The following FAM53B variants were observed in gnomAD, a reference collection of about 807,000 sequenced individuals.
FAM53B encodes the protein protein FAM53B.
A neutral mutation model predicts 32.7 loss-of-function variants in FAM53B; 12 were observed. The observed-to-expected ratio is 0.37, with a 90% CI of 0.24 to 0.59. FAM53B has a LOEUF of 0.59. FAM53B is among the 20% of genes least tolerant of loss of function. The pLI is 0.72. For synonymous variants in FAM53B, 234 were observed against 228.7 expected, an observed-to-expected ratio of 1.02 and a Z score of -0.21; for missense variants, 477 against 577.7, an observed-to-expected ratio of 0.83 and a Z score of 1.79.
At chr10:124,624,920 C>A (rs1008731133) in intron 4 of FAM53B, among the ~76,000 whole-genome samples, 3 of 152,176 alleles carry the variant, frequency 2.0e-5, no homozygotes, top group South Asian at 4.1e-4. Flanking sequence ...CAGAGGGGAG[C>A]GAGGGAAGAG....
At chr10:124,688,241 T>C (rs893828232) in intron 3 of FAM53B, among the ~76,000 whole-genome samples, 1 of 152,148 alleles carries the variant, frequency 6.6e-6, no homozygotes, top group Admixed American at 6.5e-5. Context: ...CCCCCATCCA[T>C]CTGCAGCCTG....
In FAM53B at chr10:124,733,833, C is replaced by T. The variant is rs1384268285; in HGVS notation, c.-175+10180G>A. On this transcript the variant is annotated intron_variant, in intron 1 of 4. Transcript: ENST00000337318. The surrounding 1 kb of genome is among the most constrained non-coding windows in gnomAD (Gnocchi z 4.3). ...GAAGGTGGGCTTTCTCCCAGCCCTT[C>T]GCCCTTCCCTTTACTGCCATCCTGA... Among the ~76,000 whole-genome samples, 1 of 152,236 alleles carries T rather than the reference C, an allele frequency of 6.6e-6. No homozygotes were observed. Among genetic ancestry groups the T allele is most frequent in the Non-Finnish European group, 1.5e-5 (1 of 68,036 alleles).
chr10:124,737,020 G>A (rs1396422122), intron 1 of FAM53B, among the ~76,000 whole-genome samples: 1 of 152,236 alleles, frequency 6.6e-6, no homozygotes, highest in African/African-American at 2.4e-5. Flanking sequence ...CCAACCTGGG[G>A]TGAGTGATTT....
intron 3 of FAM53B, among the ~76,000 whole-genome samples, chr10:124,686,195 C>A (rs1949801655): frequency 6.6e-6 from 1 of 152,220 alleles, no homozygotes; most frequent in Non-Finnish European, 1.5e-5. Flanking sequence ...AACTAGACTG[C>A]AGGAACAAGC....
At chr10:124,630,142 G>A (rs1365874355) in intron 4 of FAM53B, among the ~76,000 whole-genome samples, 1 of 152,258 alleles carries the variant, frequency 6.6e-6, no homozygotes, top group Non-Finnish European at 1.5e-5. Context: ...GCCAAGCGGG[G>A]TGGCTCACAC....
At chr10:124,661,056 T>TAAAAAAAAAAAA (rs57830542) in intron 4 of FAM53B, among the ~76,000 whole-genome samples, 2 of 130,538 alleles carry the variant, frequency 1.5e-5, no homozygotes, top group African/African-American at 6.0e-5. Flanking sequence ...CTACTGAAAT[T>TAAAAAAAAAAAA]AAAAAAAAAA....
chr10:124,695,616 C>T (rs1949863418), intron 3 of FAM53B, among the ~76,000 whole-genome samples: 1 of 152,134 alleles, frequency 6.6e-6, no homozygotes, highest in Non-Finnish European at 1.5e-5. Context: ...GATGTAGTTA[C>T]ATCACTAAAG....
At chr10:124,644,986 C>A (rs984294439) in intron 4 of FAM53B, among the ~76,000 whole-genome samples, 1 of 152,224 alleles carries the variant, frequency 6.6e-6, no homozygotes, top group African/African-American at 2.4e-5. Context: ...GGGGGAGGAG[C>A]CACATGACTG....
At chr10:124,720,218 AGACCCAAGGGAG>A (rs1470715012) in intron 1 of FAM53B, among the ~76,000 whole-genome samples, 4 of 151,974 alleles carry the variant, frequency 2.6e-5, no homozygotes, top group Non-Finnish European at 5.9e-5. Flanking sequence ...GATCAGGAGC[AGACCCAAGGGAG>A]GTGGCATAGA....
intron 3 of FAM53B, among the ~76,000 whole-genome samples, chr10:124,683,895 C>G (rs938103391): frequency 1.3e-5 from 2 of 152,216 alleles, no homozygotes; most frequent in African/African-American, 4.8e-5. Flanking sequence ...AGAGACATAC[C>G]CCAGCTGAGC....
Position 124,621,370 on chromosome 10 carries a change from T to C in FAM53B, c.*1872A>G, listed in dbSNP as rs1054775327. 3.9e-5 allele frequency: 6 copies of C among 152,228 alleles called. No individual in the cohort carries two copies. Among genetic ancestry groups the C allele is most frequent in the African/African-American group, 1.4e-4 (6 of 41,466 alleles). The allele number at this position is 152,228 out of a possible 1,614,324, so 9.4% of individuals were successfully genotyped here. Reference sequence around the variant, plus strand: ...CCAGGCAGGGACAGGCCAAGATGTCTCTGTCTGCTCAGAGCCACCAGCTCT... The same window carrying C: ...CCAGGCAGGGACAGGCCAAGATGTCCCTGTCTGCTCAGAGCCACCAGCTCT... On this transcript the variant is annotated 3_prime_UTR_variant, in exon 5 of 5. Transcript: ENST00000337318.
chr10:124,721,742 G>A (rs557078978), intron 1 of FAM53B, among the ~76,000 whole-genome samples: 26 of 152,300 alleles, frequency 1.7e-4, no homozygotes, highest in East Asian at 9.6e-4. Context: ...GTCCTCGTGC[G>A]GTTCTATCCT....
At chr10:124,631,596 C>G (rs1056214008) in intron 4 of FAM53B, among the ~76,000 whole-genome samples, 2 of 152,208 alleles carry the variant, frequency 1.3e-5, no homozygotes, top group Non-Finnish European at 1.5e-5. Flanking sequence ...GGGCCAAACC[C>G]GCCACGCAGG....
Position 124,622,952 on chromosome 10 carries a change from A to T in FAM53B, c.*290T>A. The stretch of plus-strand genomic sequence containing the variant: ...ACTGCCCAACATCCCACAGGGAAAG[A>T]GGCAGAAAAGACGCAAACTTCAAAG... On this transcript the variant is annotated 3_prime_UTR_variant, in exon 5 of 5. Transcript: ENST00000337318. The T allele has an allele frequency of 2.8e-6, 1 of 361,370 alleles. No homozygotes were observed. The allele number at this position is 361,370 out of a possible 1,614,324, so 22.4% of individuals were successfully genotyped here. A position where few individuals can be genotyped will look rare whatever the true frequency, so the allele number is the denominator to read the frequency against.
intron 4 of FAM53B, among the ~76,000 whole-genome samples, chr10:124,654,566 C>CT (rs1394633690): frequency 5.3e-5 from 8 of 152,244 alleles, no homozygotes; most frequent in Non-Finnish European, 1.2e-4. Flanking sequence ...GAATCCGCCT[C>CT]TGATTCATCT....
chr10:124,677,455 G>A (rs1238407596), intron 4 of FAM53B, among the ~76,000 whole-genome samples: 1 of 152,258 alleles, frequency 6.6e-6, no homozygotes, highest in Non-Finnish European at 1.5e-5. Context: ...CGCAGGGATC[G>A]CAGCATAGCC....
chr10:124,637,918 C>T (rs1019916597), intron 4 of FAM53B, among the ~76,000 whole-genome samples: 10 of 152,232 alleles, frequency 6.6e-5, no homozygotes, highest in African/African-American at 2.4e-4. Flanking sequence ...GAGGGAATTT[C>T]GCTCTCCATT....
At chr10:124,692,862 C>G (rs1255723183) in intron 3 of FAM53B, among the ~76,000 whole-genome samples, 2 of 151,982 alleles carry the variant, frequency 1.3e-5, no homozygotes, top group African/African-American at 4.8e-5. Context: ...GCTCCTTGCT[C>G]TACTGCACTT....
chr10:124,633,696 T>C (rs940059741), intron 4 of FAM53B, among the ~76,000 whole-genome samples: 1 of 152,182 alleles, frequency 6.6e-6, no homozygotes, highest in Admixed American at 6.5e-5. Context: ...GGAGAAAAGA[T>C]GGCATTCTCA....
Sources: allele counts gnomAD v4.1 joint callset (sites outside exome capture counted in the v4.1 genomes callset), GRCh38; gene constraint gnomAD v4.1.1; non-coding constraint Gnocchi (gnomAD v3.1); transcripts MANE v1.5; gene names NCBI Gene and HGNC (gene_info 2026-07-23, HGNC 2026-07-21).